Variants in PAPPA observed in about 807,000 individuals in gnomAD.
The protein encoded by PAPPA is pappalysin 1, also known as pappalysin-1.
In PAPPA, 60 loss-of-function variants were observed where a neutral mutation model predicts 164.0. That is an observed-to-expected ratio of 0.37 (90% CI 0.30 to 0.45). The LOEUF (loss-of-function observed/expected upper bound fraction) is 0.45, where lower values mean the gene tolerates loss of function less well. Ranked by LOEUF, PAPPA falls within the 20% of genes least tolerant of loss-of-function variation. PAPPA has a pLI of 1.00. For missense variants in PAPPA, 1,782 were observed against 2,087.3 expected, an observed-to-expected ratio of 0.85 and a Z score of 2.85; for synonymous variants, 875 against 814.1, an observed-to-expected ratio of 1.07 and a Z score of -1.27.
chr9:116,154,251 C>G lies in PAPPA; in HGVS notation c.79C>G (p.Arg27Gly). ...LGCGLAERPR[R>G]ARRDPRAGRP... ...CTGCGGGCTGGCCGAGCGTCCCCGC[C>G]GGGCCCGGAGAGACCCGCGGGCCGG... Residue 27 changes from arginine (R) to glycine (G), a missense_variant, in exon 1 of 22, where the codon CGG becomes GGG. Coordinates refer to ENST00000328252, the MANE Select transcript of PAPPA (RefSeq NM_002581.5). The surrounding 1 kb of genome is among the most constrained non-coding windows in gnomAD (Gnocchi z 5.2). 1 of 1,372,574 alleles carries G rather than the reference C, an allele frequency of 7.3e-7. No homozygotes were observed. The highest frequency in any genetic ancestry group is 9.5e-7 in the Non-Finnish European group (1 of 1,053,864). 85.0% of individuals were successfully genotyped at this position (1,372,574 alleles called of 1,614,324 possible). A position where few individuals can be genotyped will look rare whatever the true frequency, so the allele number is the denominator to read the frequency against.
chr9:116,368,633 G>A (rs1466361704), intron 19 of PAPPA, among the ~76,000 whole-genome samples: 3 of 152,296 alleles, frequency 2.0e-5, no homozygotes, highest in South Asian at 2.1e-4. Flanking sequence ...CCAGGACATC[G>A]CAGGTCCCAG....
rs763182015 is a variant in PAPPA at position 116,187,348 on chromosome 9, G to A, written c.610G>A (p.Asp204Asn). The A allele has an allele frequency of 1.9e-6, 3 of 1,614,100 alleles. No individual in the cohort carries two copies. Among genetic ancestry groups the A allele is most frequent in the Admixed American group, 3.3e-5 (2 of 60,022 alleles). Residue 204 changes from aspartate to asparagine, a missense_variant, in exon 2 of 22, where the codon GAT (aspartate) becomes AAT (asparagine). Coordinates refer to ENST00000328252, the MANE Select transcript of PAPPA (RefSeq NM_002581.5). The surrounding 1 kb of genome is among the most constrained non-coding windows in gnomAD (Gnocchi z 4.2). ...GQWVYLAATY[D>N]GQFMKLYVNG... ...GTGGGTATACCTAGCTGCCACCTAT[G>A]ATGGGCAGTTCATGAAGCTCTATGT...
chr9:116,344,908 A>G (rs1846187981), intron 14 of PAPPA, among the ~76,000 whole-genome samples, 197 bp downstream of exon 14: 1 of 152,256 alleles, frequency 6.6e-6, no homozygotes, highest in African/African-American at 2.4e-5. Context: ...ATCTCTAAGA[A>G]AAAGGGTTCC....
At chr9:116,266,113 A>T in intron 8 of PAPPA, 128 bp downstream of exon 8, 2 of 746,366 alleles carry the variant, frequency 2.7e-6, no homozygotes, top group South Asian at 5.5e-5. Flanking sequence ...AGTGGTCCCC[A>T]GCAGTCTCTG....
chr9:116,383,340 T>TGAAA (rs1846758008), intron 21 of PAPPA, among the ~76,000 whole-genome samples: 1 of 152,212 alleles, frequency 6.6e-6, no homozygotes, highest in South Asian at 2.1e-4. Context: ...CAGTCAGAGC[T>TGAAA]GAAAGATCAT....
Position 116,187,903 on chromosome 9 carries a change from TACA to T in PAPPA, c.1169_1171del (p.Asn390del). ...TCAGCTGGCTGAGGCCTTCAAGCAA[TACA>T]ACATCTCCTGGGAGCTGGACGTGCT... On this transcript the variant is annotated inframe_deletion, in exon 2 of 22. Coordinates refer to ENST00000328252, the MANE Select transcript of PAPPA (RefSeq NM_002581.5). The surrounding 1 kb of genome is among the most constrained non-coding windows in gnomAD (Gnocchi z 4.2). The T allele has an allele frequency of 6.2e-7, 1 of 1,614,146 alleles. No homozygotes were observed. The highest frequency in any genetic ancestry group is 8.5e-7 in the Non-Finnish European group (1 of 1,180,044).
chr9:116,306,633 G>A (rs1313552589), intron 10 of PAPPA, among the ~76,000 whole-genome samples: 6 of 152,164 alleles, frequency 3.9e-5, no homozygotes, highest in South Asian at 4.1e-4. Flanking sequence ...GAAATTAACC[G>A]AAAAAATCAA....
At chr9:116,290,459 A>C (rs1845422278) in intron 9 of PAPPA, among the ~76,000 whole-genome samples, 1 of 152,014 alleles carries the variant, frequency 6.6e-6, no homozygotes, top group African/African-American at 2.4e-5. Context: ...TTAGAGTGAC[A>C]CAGCTAAAAG....
intron 7 of PAPPA, among the ~76,000 whole-genome samples, chr9:116,257,593 T>A (rs1331926092): frequency 6.6e-6 from 1 of 151,862 alleles, no homozygotes; most frequent in African/African-American, 2.4e-5. Flanking sequence ...TCCCAGCTAC[T>A]CGGGAGGCTG....
chr9:116,187,809 G>A lies in PAPPA; in HGVS notation c.1071G>A (p.Val357=). The change falls in exon 2 of 22, where the codon GTG becomes GTA. Residue 357 remains valine (V), a synonymous_variant. Transcript: ENST00000328252. The surrounding 1 kb of genome is among the most constrained non-coding windows in gnomAD (Gnocchi z 4.2). The part of the protein sequence containing the change: ...FRQPKVVRYR[V]VNLYEDDHKN... ...AGCCCAAGGTGGTGCGCTACCGCGT[G>A]GTCAACCTCTATGAAGATGATCATA... 1 of 1,614,238 alleles carries A rather than the reference G, an allele frequency of 6.2e-7. No individual in the cohort carries two copies. Among genetic ancestry groups the A allele is most frequent in the South Asian group, 1.1e-5 (1 of 91,092 alleles).
intron 7 of PAPPA, among the ~76,000 whole-genome samples, chr9:116,243,174 G>C (rs1439962908): frequency 6.6e-6 from 1 of 152,126 alleles, no homozygotes; most frequent in Non-Finnish European, 1.5e-5. Context: ...TTTATGTATT[G>C]ATATATTTAT....
At chr9:116,285,171 CT>C in intron 9 of PAPPA, among the ~76,000 whole-genome samples, 1,483 of 89,466 alleles carry the variant, frequency 0.017, 3 homozygotes, top group South Asian at 0.04. Flanking sequence ...TTCTTTCTTT[CT>C]TTTTTTTTTT....
At chr9:116,231,760 C>T (rs57407286) in intron 6 of PAPPA, among the ~76,000 whole-genome samples, 9 of 2,820 alleles carry the variant, frequency 3.2e-3, no homozygotes, top group Admixed American at 9.5e-3. Context: ...CTTTTCTTTT[C>T]TTTTTCTTTT....
At chr9:116,339,539 G>C (rs1026824401) in intron 13 of PAPPA, among the ~76,000 whole-genome samples, 22 of 152,132 alleles carry the variant, frequency 1.4e-4, no homozygotes, top group Non-Finnish European at 3.2e-4. Flanking sequence ...TCCTAGCATA[G>C]TAGCTCTTTC....
intron 9 of PAPPA, among the ~76,000 whole-genome samples, chr9:116,294,950 G>A (rs982722706): frequency 1.6e-4 from 24 of 152,154 alleles, no homozygotes; most frequent in Non-Finnish European, 3.2e-4. Flanking sequence ...AGAAAGACAG[G>A]TGAATCCACT....
intron 2 of PAPPA, among the ~76,000 whole-genome samples, chr9:116,196,873 A>C (rs899611001): frequency 6.6e-6 from 1 of 152,196 alleles, no homozygotes; most frequent in African/African-American, 2.4e-5. Flanking sequence ...GTGTGAGTTC[A>C]GGCAGCCAAC....
At chr9:116,355,186 G>A (rs1417079763) in intron 17 of PAPPA, among the ~76,000 whole-genome samples, 1 of 43,978 alleles carries the variant, frequency 2.3e-5, no homozygotes, top group Non-Finnish European at 4.2e-5. Context: ...CACTGCATCT[G>A]CACCCTTCCC....
In PAPPA at chr9:116,344,612, C is replaced by A; in HGVS notation, c.3681C>A (p.Cys1227Ter). 6.2e-7 allele frequency: 1 copy of A among 1,614,156 alleles called. No homozygotes were observed. The highest frequency in any genetic ancestry group is 8.5e-7 in the Non-Finnish European group (1 of 1,179,980). The change falls in exon 14 of 22, where the codon TGC becomes TGA. Residue 1227 changes from cysteine (C) to a stop codon, truncating the protein, a stop_gained. Transcript: ENST00000328252. LOFTEE classifies it high-confidence loss of function. ...CTGTGGAGAATGCTTCTCTCAATTG[C>A]TCCAGCAGCGACCGCTACCACGGTG... ...ELAVENASLN[C>*]SSSDRYHGAQ...
intron 8 of PAPPA, 70 bp downstream of exon 8, chr9:116,266,055 A>G (rs1845064845): frequency 2.2e-6 from 3 of 1,383,174 alleles, no homozygotes; most frequent in African/African-American, 2.9e-5. Flanking sequence ...AGGGTGCTGA[A>G]CAGAAGAGCT....
Sources: allele counts gnomAD v4.1 joint callset (sites outside exome capture counted in the v4.1 genomes callset), GRCh38; gene constraint gnomAD v4.1.1; non-coding constraint Gnocchi (gnomAD v3.1); transcripts MANE v1.5; gene names NCBI Gene and HGNC (gene_info 2026-07-23, HGNC 2026-07-21).